Variants in DTNB observed in about 807,000 individuals in gnomAD.
DTNB encodes the protein dystrobrevin beta.
Under a neutral mutation model 90.7 loss-of-function variants are expected in DTNB, and 63 were observed. That is an observed-to-expected ratio of 0.69 (90% CI 0.57 to 0.86). DTNB has a LOEUF of 0.86. DTNB is among the 40% of genes least tolerant of loss of function. The pLI is 0.00. For missense variants in DTNB, 744 were observed against 807.1 expected (o/e 0.92, Z 0.95); for synonymous variants, 277 against 286.7 (o/e 0.97, Z 0.34).
At chr2:25,624,255 T>G (rs1363859415) in intron 4 of DTNB, among the ~76,000 whole-genome samples, 1 of 152,198 alleles carries the variant, frequency 6.6e-6, no homozygotes, top group Non-Finnish European at 1.5e-5. Context: ...GATTGATGTC[T>G]CATGTCTTCC....
intron 1 of DTNB, among the ~76,000 whole-genome samples, chr2:25,671,670 A>T (rs2085943296): frequency 6.6e-6 from 1 of 152,242 alleles, no homozygotes. Flanking sequence ...TCTCTCGGGC[A>T]TAGTGGACAT....
intron 8 of DTNB, among the ~76,000 whole-genome samples, chr2:25,540,033 C>G (rs971025503): frequency 1.3e-5 from 2 of 152,048 alleles, no homozygotes; most frequent in African/African-American, 4.8e-5. Flanking sequence ...ATAACAACAC[C>G]AGTGATTTTA....
intron 16 of DTNB, among the ~76,000 whole-genome samples, chr2:25,395,341 T>C (rs1428644489): frequency 6.6e-6 from 1 of 152,122 alleles, no homozygotes; most frequent in Non-Finnish European, 1.5e-5. Context: ...CTTATTCATG[T>C]AATCAAATAC....
intron 8 of DTNB, among the ~76,000 whole-genome samples, chr2:25,555,992 C>T (rs1227561896): frequency 6.6e-6 from 1 of 152,072 alleles, no homozygotes. Context: ...TGCGCTCCAG[C>T]TTGAGCAACA....
At chr2:25,420,470 C>T (rs959398298) in intron 15 of DTNB, among the ~76,000 whole-genome samples, 1 of 39,512 alleles carries the variant, frequency 2.5e-5, no homozygotes, top group African/African-American at 7.7e-5. Context: ...CTAAATCAAT[C>T]TATCTATCTA....
intron 8 of DTNB, among the ~76,000 whole-genome samples, chr2:25,569,022 C>G (rs955826276): frequency 1.3e-5 from 2 of 152,210 alleles, no homozygotes; most frequent in Admixed American, 6.5e-5. Flanking sequence ...GTGAGAAGCA[C>G]AAGCCACATT....
chr2:25,421,928 C>G (rs1434923808), intron 15 of DTNB, among the ~76,000 whole-genome samples: 1 of 152,242 alleles, frequency 6.6e-6, no homozygotes, highest in Non-Finnish European at 1.5e-5. Flanking sequence ...CCAGGACTTA[C>G]AGGCCTTCCA....
intron 2 of DTNB, among the ~76,000 whole-genome samples, chr2:25,641,390 A>T (rs1398916864): frequency 6.6e-6 from 1 of 152,230 alleles, no homozygotes; most frequent in Non-Finnish European, 1.5e-5. Context: ...TTTCTGGAGC[A>T]ATCATCTTTC....
chr2:25,536,471 G>A (rs777425010), intron 8 of DTNB, among the ~76,000 whole-genome samples: 1 of 152,226 alleles, frequency 6.6e-6, no homozygotes, highest in Non-Finnish European at 1.5e-5. Context: ...GGAGGCCGAG[G>A]CGGGCAGATC....
intron 6 of DTNB, among the ~76,000 whole-genome samples, chr2:25,586,991 G>A (rs527465699): frequency 2.6e-5 from 4 of 152,266 alleles, no homozygotes; most frequent in South Asian, 2.1e-4. Context: ...AGATGCTCTC[G>A]CACAACACTG....
At chr2:25,569,405 T>G (rs946689151) in intron 8 of DTNB, among the ~76,000 whole-genome samples, 1 of 152,190 alleles carries the variant, frequency 6.6e-6, no homozygotes, top group African/African-American at 2.4e-5. Context: ...AATTAATATT[T>G]AGTTACTGTC....
At position 25,433,012 on chromosome 2, in the gene DTNB, G is replaced by C. The variant is rs1409231040; in HGVS notation, c.1344-13C>G. 2.5e-6 allele frequency: 4 copies of C among 1,590,910 alleles called. No individual in the cohort carries two copies. Among genetic ancestry groups the C allele is most frequent in the East Asian group, 2.3e-5 (1 of 44,296 alleles). On this transcript the variant is annotated splice_polypyrimidine_tract_variant and intron_variant, in intron 13 of 20. Transcript: ENST00000406818. ...CTGCAGGATCTCTCTAGAGAGGATG[G>C]GTGAACGGAAAGGGGCTGCACAGTG...
chr2:25,555,889 G>A lies in DTNB; in HGVS notation c.876+20949C>T, dbSNP rs141545232. ...AAAAGAATTAGCAGGGCATGGTGGC[G>A]TGTGCCTGTAATCCCAGCTACTTGG... is the stretch of plus-strand genomic sequence containing the variant. On this transcript the variant is annotated intron_variant, in intron 8 of 20. Transcript: ENST00000406818. Among the ~76,000 whole-genome samples, 582 of 152,098 alleles carry A rather than the reference G, an allele frequency of 3.8e-3. 3 individuals are homozygous for A. Among genetic ancestry groups the A allele is most frequent in the Non-Finnish European group, 6.2e-3 (419 of 67,970 alleles).
chr2:25,438,420 T>C (rs1226340728), intron 12 of DTNB, among the ~76,000 whole-genome samples: 2 of 152,166 alleles, frequency 1.3e-5, no homozygotes, highest in African/African-American at 4.8e-5. Context: ...AGGCCATGGG[T>C]TGGACAAGCT....
chr2:25,456,756 G>T (rs894738513), intron 10 of DTNB, among the ~76,000 whole-genome samples: 1 of 151,672 alleles, frequency 6.6e-6, no homozygotes, highest in South Asian at 2.1e-4. Flanking sequence ...TAGTAGAGAC[G>T]GGTTTTCGCC....
intron 3 of DTNB, among the ~76,000 whole-genome samples, chr2:25,631,757 A>C (rs1435890634): frequency 6.6e-6 from 1 of 152,198 alleles, no homozygotes; most frequent in African/African-American, 2.4e-5. Context: ...GTGATAGTGC[A>C]AATACACACT....
intron 1 of DTNB, among the ~76,000 whole-genome samples, chr2:25,659,631 T>C (rs2082740499): frequency 6.6e-6 from 1 of 152,116 alleles, no homozygotes. Context: ...AATTCTAATC[T>C]ATACATATAA....
At position 25,653,422 on chromosome 2, in the gene DTNB, GT is replaced by G. The variant is rs1272261622; in HGVS notation, c.-1-762del. Among the ~76,000 whole-genome samples, 539 of 119,638 alleles carry G rather than the reference GT, an allele frequency of 4.5e-3. 6 individuals carry two copies. The highest frequency in any genetic ancestry group is 6.1e-3 in the Non-Finnish European group (354 of 58,188). The allele number at this position is 119,638 out of a possible 152,430, so 78.5% of individuals were successfully genotyped here. The stretch of plus-strand genomic sequence containing the variant: ...TGTGGCACTGTAAGTCCAATTAAAC[GT>G]TTTTTTTTTAAAAAAAAAAAAAAGA... On this transcript the variant is annotated intron_variant, in intron 1 of 20. Coordinates refer to ENST00000406818, the MANE Select transcript of DTNB (RefSeq NM_021907.5).
At chr2:25,508,533 CTTTG>C (rs970961843) in intron 9 of DTNB, among the ~76,000 whole-genome samples, 1 of 112,738 alleles carries the variant, frequency 8.9e-6, no homozygotes, top group Admixed American at 8.5e-5. Context: ...GAGTTTCGCT[CTTTG>C]TTTTTTATTT....
Sources: gnomAD v4.1 joint callset for allele counts (sites outside exome capture counted in the v4.1 genomes callset) on GRCh38, gnomAD v4.1.1 for gene constraint, MANE v1.5 for transcripts, NCBI Gene and HGNC (gene_info 2026-07-23, HGNC 2026-07-21) for gene names.